Variants in NFX1 observed in about 807,000 individuals in gnomAD.
The protein encoded by NFX1 is nuclear transcription factor, X-box binding 1.
NFX1 carries 69 observed loss-of-function variants against 137.2 expected under a neutral mutation model. The ratio of observed to expected loss-of-function variants is 0.50; its 90% CI spans 0.41 to 0.61. The LOEUF (loss-of-function observed/expected upper bound fraction) is 0.61, where lower values mean the gene tolerates loss of function less well. Ranked by LOEUF, NFX1 falls within the 20% of genes least tolerant of loss-of-function variation. NFX1 has a pLI of 0.00. For synonymous variants in NFX1, 495 were observed against 474.1 expected (o/e 1.04, Z -0.57); for missense variants, 1,167 against 1,391.0 (o/e 0.84, Z 2.56).
rs1271649849 is a variant in NFX1, at chr9:33,310,332, C to T, written c.1377-774C>T. Among the ~76,000 whole-genome samples the T allele has an allele frequency of 5.3e-5, 8 of 152,128 alleles. No homozygotes were observed. In the East Asian group the frequency reaches 1.2e-3, roughly 22 times the overall value. On this transcript the variant is annotated intron_variant, in intron 5 of 23. Transcript: ENST00000379540. Reference sequence around the variant, plus strand: ...CCCCTCCTACTCCAAAAACAGTTGTCGTAGAAGTTCCCAAAATGTTTTAAG... The same window carrying T: ...CCCCTCCTACTCCAAAAACAGTTGTTGTAGAAGTTCCCAAAATGTTTTAAG...
chr9:33,312,842 G>C (rs112779908), intron 6 of NFX1, among the ~76,000 whole-genome samples: 7 of 152,366 alleles, frequency 4.6e-5, no homozygotes, highest in African/African-American at 1.7e-4. Context: ...CTGCACTCCA[G>C]CCTGGGCAAC....
chr9:33,303,258 T>A lies in NFX1; in HGVS notation c.1260T>A (p.Thr420=). The change falls in exon 4 of 24, where the codon ACT becomes ACA. Residue 420 remains threonine, a synonymous_variant. Transcript: ENST00000379540. ...NVSAHVPNTY[T]CFCGKVKNPE... is the part of the protein sequence containing the mutation. The stretch of plus-strand genomic sequence containing the variant: ...CTGCACATGTTCCTAATACCTACAC[T>A]TGTTTCTGTGGTAAGTTTGTTTATA... 1 of 1,613,982 alleles carries A rather than the reference T, an allele frequency of 6.2e-7. No homozygotes were observed. The highest frequency in any genetic ancestry group is 8.5e-7 in the Non-Finnish European group (1 of 1,179,862).
At chr9:33,300,372 C>G (rs1431057236) in intron 2 of NFX1, among the ~76,000 whole-genome samples, 1 of 151,856 alleles carries the variant, frequency 6.6e-6, no homozygotes, top group African/African-American at 2.4e-5. Flanking sequence ...CTGTTACAGC[C>G]TTTTTGAGAG....
In NFX1 at chr9:33,364,783, C is replaced by G. The variant is rs755008312; in HGVS notation, c.3039+9C>G. Reference sequence around the variant, plus strand: ...TGGAGGCCGTGAATAAGGTTGAAGTCGAAACATCCCACTGGACATTTCTCT... The same window carrying G: ...TGGAGGCCGTGAATAAGGTTGAAGTGGAAACATCCCACTGGACATTTCTCT... On this transcript the variant is annotated intron_variant, in intron 21 of 23. Coordinates refer to ENST00000379540, the MANE Select transcript of NFX1 (RefSeq NM_002504.6). 6.2e-7 allele frequency: 1 copy of G among 1,612,404 alleles called. No homozygotes were observed. The highest frequency in any genetic ancestry group is 1.3e-5 in the African/African-American group (1 of 74,494).
At chr9:33,319,726 T>C (rs1822312593) in intron 9 of NFX1, among the ~76,000 whole-genome samples, 1 of 152,118 alleles carries the variant, frequency 6.6e-6, no homozygotes, top group African/African-American at 2.4e-5. Context: ...ACCAGGCTGG[T>C]CTCGAACTCC....
chr9:33,358,647 A>ATTT (rs61589629), intron 19 of NFX1, among the ~76,000 whole-genome samples: 2,469 of 48,510 alleles, frequency 0.051, 639 homozygotes, highest in African/African-American at 0.14. Flanking sequence ...GAATGGCTTG[A>ATTT]TTTTTTTTTT....
intron 4 of NFX1, among the ~76,000 whole-genome samples, chr9:33,305,226 A>G (rs1285696646): frequency 3.3e-5 from 5 of 152,208 alleles, no homozygotes; most frequent in Non-Finnish European, 7.3e-5. Flanking sequence ...ACTATGGGAG[A>G]TCTTTGGGGT....
chr9:33,300,065 A>ATTTTT (rs34826491), intron 2 of NFX1, among the ~76,000 whole-genome samples: 4 of 100,276 alleles, frequency 4.0e-5, no homozygotes, highest in Admixed American at 1.0e-4. Context: ...ATGTTATAGC[A>ATTTTT]TTTTTTTTTT....
chr9:33,340,216 A>G (rs748704744), intron 12 of NFX1, among the ~76,000 whole-genome samples: 4 of 152,188 alleles, frequency 2.6e-5, no homozygotes, highest in African/African-American at 9.6e-5. Context: ...AGGCATTTCC[A>G]TACATCTTTT....
intron 1 of NFX1, among the ~76,000 whole-genome samples, chr9:33,294,165 A>G (rs11794927): frequency 2.6e-5 from 4 of 152,224 alleles, no homozygotes; most frequent in Admixed American, 6.5e-5. Context: ...TTTATGGCCC[A>G]GGTGAGCATT....
intron 1 of NFX1, among the ~76,000 whole-genome samples, chr9:33,293,812 A>T (rs1821246559): frequency 6.6e-6 from 1 of 152,230 alleles, no homozygotes; most frequent in African/African-American, 2.4e-5. Flanking sequence ...CCCAAAATAT[A>T]TTCCTAGGGG....
intron 19 of NFX1, among the ~76,000 whole-genome samples, chr9:33,359,396 C>T (rs908395324): frequency 6.6e-6 from 1 of 151,900 alleles, no homozygotes; most frequent in Non-Finnish European, 1.5e-5. Flanking sequence ...GTCAAGAGTT[C>T]GAGACCAGCC....
Position 33,305,484 on chromosome 9 carries a change from C to G in NFX1, c.1271-1710C>G, listed in dbSNP as rs950510263. On this transcript the variant is annotated intron_variant, in intron 4 of 23. Transcript: ENST00000379540. ...GAAAGGAAGGGCTGACCCTTTGATA[C>G]CAGTCTCAGATGTTGGGACTTCATT... Among the ~76,000 whole-genome samples the G allele has an allele frequency of 2.6e-5, 4 of 152,024 alleles. No homozygotes were observed. In the East Asian group the frequency reaches 7.7e-4, roughly 29 times the overall value.
intron 11 of NFX1, 22 bp from the exon 12 acceptor site, chr9:33,338,488 T>A: frequency 6.2e-7 from 1 of 1,606,576 alleles, no homozygotes; most frequent in Non-Finnish European, 8.5e-7. Context: ...GTTTTTTTTT[T>A]CTTTTTAATT....
At chr9:33,333,961 A>T (rs947778788) in intron 11 of NFX1, among the ~76,000 whole-genome samples, 12 of 152,200 alleles carry the variant, frequency 7.9e-5, no homozygotes, top group Admixed American at 2.0e-4. Context: ...CCTAGCCAAC[A>T]TGGTGAAACC....
At chr9:33,342,157 AAAAATAAAATATATTTT>A (rs1378661323) in intron 12 of NFX1, among the ~76,000 whole-genome samples, 3 of 141,316 alleles carry the variant, frequency 2.1e-5, no homozygotes, top group African/African-American at 9.0e-5. Flanking sequence ...CACACGATGT[AAAAATAAAATATATTTT>A]TTTAAAATTT....
chr9:33,318,586 G>T, intron 7 of NFX1, 145 bp from the exon 8 acceptor site: 1 of 702,802 alleles, frequency 1.4e-6, no homozygotes, highest in Non-Finnish European at 2.5e-6. Flanking sequence ...GCATAGGTCT[G>T]ATCAGTACTC....
In NFX1 at chr9:33,364,765, C is replaced by T. The variant is rs540648907; in HGVS notation, c.3030C>T (p.Ala1010=). Residue 1010 remains alanine, a synonymous_variant, in exon 21 of 24, where the codon GCC becomes GCT. Transcript: ENST00000379540. ...VEKEMETLVE[A]VNKGKNSKKS... ...AGGAAATGGAAACCCTCGTGGAGGC[C>T]GTGAATAAGGTTGAAGTCGAAACAT... The T allele has an allele frequency of 3.7e-6, 6 of 1,613,374 alleles. No homozygotes were observed. Among genetic ancestry groups the T allele is most frequent in the South Asian group, 2.2e-5 (2 of 90,998 alleles).
intron 3 of NFX1, among the ~76,000 whole-genome samples, chr9:33,302,798 T>C (rs561536034): frequency 6.6e-6 from 1 of 151,840 alleles, no homozygotes; most frequent in Non-Finnish European, 1.5e-5. Context: ...GCCTCCTGAG[T>C]AGCTGGGATT....
Sources: allele counts gnomAD v4.1 joint callset (sites outside exome capture counted in the v4.1 genomes callset), GRCh38; gene constraint gnomAD v4.1.1; transcripts MANE v1.5; gene names NCBI Gene and HGNC (gene_info 2026-07-23, HGNC 2026-07-21).